Variants in TMC1 observed in about 807,000 individuals in gnomAD.
The protein encoded by TMC1 is transmembrane channel like 1.
TMC1 carries 84 observed loss-of-function variants against 105.8 expected under a neutral mutation model. The observed-to-expected ratio is 0.79, with a 90% CI of 0.67 to 0.95. The LOEUF (loss-of-function observed/expected upper bound fraction) is 0.95. Among genes scored for constraint, TMC1 ranks in the 40% least tolerant of loss-of-function variants. The pLI is 0.00. For missense variants in TMC1, 817 were observed against 914.1 expected, an observed-to-expected ratio of 0.89 and a Z score of 1.37; for synonymous variants, 315 against 311.5, an observed-to-expected ratio of 1.01 and a Z score of -0.12.
chr9:72,808,446 A>G (rs1828639704), intron 18 of TMC1, among the ~76,000 whole-genome samples: 1 of 152,172 alleles, frequency 6.6e-6, no homozygotes, highest in African/African-American at 2.4e-5. Context: ...CACTGTTTAT[A>G]TCAACACACT....
At chr9:72,707,121 C>T (rs536505027) in intron 8 of TMC1, among the ~76,000 whole-genome samples, 56 of 152,278 alleles carry the variant, frequency 3.7e-4, no homozygotes, top group African/African-American at 1.3e-3. Context: ...AGTATTCCAT[C>T]ATGTATATAT....
intron 2 of TMC1, among the ~76,000 whole-genome samples, chr9:72,585,921 G>A (rs890995740): frequency 1.3e-5 from 2 of 152,130 alleles, no homozygotes; most frequent in African/African-American, 4.8e-5. Context: ...TCCTCCGACC[G>A]TGTTGCCACC....
intron 5 of TMC1, among the ~76,000 whole-genome samples, chr9:72,662,512 C>G (rs1220935911): frequency 3.3e-5 from 5 of 151,948 alleles, no homozygotes; most frequent in Admixed American, 3.3e-4. Flanking sequence ...TTAAGTGTAT[C>G]AATACCATCA....
At chr9:72,598,859 G>A (rs138374100) in intron 2 of TMC1, among the ~76,000 whole-genome samples, 14 of 152,106 alleles carry the variant, frequency 9.2e-5, no homozygotes, top group South Asian at 6.2e-4. Flanking sequence ...TGTCAGAACC[G>A]TCTGTTTCCT....
intron 3 of TMC1, among the ~76,000 whole-genome samples, chr9:72,616,915 T>A (rs898479303): frequency 6.6e-6 from 1 of 152,132 alleles, no homozygotes; most frequent in Non-Finnish European, 1.5e-5. Flanking sequence ...TTGATTTGAA[T>A]GTTGTTTCCT....
At chr9:72,523,665 G>C (rs917421798) in intron 1 of TMC1, among the ~76,000 whole-genome samples, 1 of 152,050 alleles carries the variant, frequency 6.6e-6, no homozygotes, top group Non-Finnish European at 1.5e-5. Flanking sequence ...TGCTGTCTTA[G>C]GGGTGGCAGG....
intron 2 of TMC1, among the ~76,000 whole-genome samples, chr9:72,609,684 AATTTT>A (rs1455382964): frequency 5.9e-5 from 9 of 152,192 alleles, no homozygotes; most frequent in Non-Finnish European, 1.0e-4. Context: ...ATACATCAAT[AATTTT>A]ATTCTCATAA....
intron 13 of TMC1, among the ~76,000 whole-genome samples, chr9:72,779,747 A>G (rs1828062074): frequency 6.6e-6 from 1 of 152,220 alleles, no homozygotes; most frequent in African/African-American, 2.4e-5. Context: ...AAAGCCTCCA[A>G]GAAATACAGA....
rs11143373 is a variant in TMC1 at position 72,687,637 on chromosome 9, T to A, written c.17-1072T>A. Among the ~76,000 whole-genome samples the A allele has an allele frequency of 3.0e-3, 463 of 152,308 alleles. 6 individuals are homozygous for A. Among genetic ancestry groups the A allele is most frequent in the African/African-American group, 0.011 (449 of 41,578 alleles). On this transcript the variant is annotated intron_variant, in intron 5 of 23. Coordinates refer to ENST00000297784, the MANE Select transcript of TMC1 (RefSeq NM_138691.3). Reference sequence around the variant, plus strand: ...TGCTGTTTAAAGGCAAAAAGTGCTTTTACAATAATATTCTTTGTGAATGGA... The same window carrying A: ...TGCTGTTTAAAGGCAAAAAGTGCTTATACAATAATATTCTTTGTGAATGGA...
chr9:72,835,124 A>T (rs1025106248), intron 23 of TMC1, among the ~76,000 whole-genome samples: 7 of 151,850 alleles, frequency 4.6e-5, no homozygotes, highest in African/African-American at 1.7e-4. Context: ...TTGCAGGTTT[A>T]TGCAACCTTC....
chr9:72,556,674 T>C (rs1218992433), intron 1 of TMC1, among the ~76,000 whole-genome samples: 1 of 150,950 alleles, frequency 6.6e-6, no homozygotes, highest in Non-Finnish European at 1.5e-5. Context: ...CAAAAAAAAT[T>C]AGCCAGGTAT....
At chr9:72,612,872 A>G (rs1467151531) in intron 2 of TMC1, among the ~76,000 whole-genome samples, 2 of 152,172 alleles carry the variant, frequency 1.3e-5, no homozygotes, top group Non-Finnish European at 2.9e-5. Context: ...ACTGCAATGC[A>G]CAAGACAGCC....
intron 1 of TMC1, among the ~76,000 whole-genome samples, chr9:72,556,661 A>AT (rs763657287): frequency 2.0e-5 from 3 of 151,666 alleles, no homozygotes; most frequent in Non-Finnish European, 2.9e-5. Flanking sequence ...TCTACTGAAA[A>AT]TACAAAAAAA....
At chr9:72,577,716 C>T (rs757630787) in intron 1 of TMC1, 186 bp from the exon 2 acceptor site, 15 of 151,850 alleles carry the variant, frequency 9.9e-5, no homozygotes, top group Non-Finnish European at 2.1e-4. Context: ...TTGTGTGGAG[C>T]AGCTATAAAT....
intron 5 of TMC1, among the ~76,000 whole-genome samples, chr9:72,685,938 C>T (rs1443053438): frequency 6.6e-6 from 1 of 152,200 alleles, no homozygotes; most frequent in Non-Finnish European, 1.5e-5. Context: ...GAAGCATAAA[C>T]TACTTTCAGC....
chr9:72,693,313 C>T (rs1238251091), intron 6 of TMC1, among the ~76,000 whole-genome samples: 1 of 151,952 alleles, frequency 6.6e-6, no homozygotes, highest in Non-Finnish European at 1.5e-5. Context: ...ACTAATAAAA[C>T]AACTTGTGAG....
intron 8 of TMC1, among the ~76,000 whole-genome samples, chr9:72,739,251 G>T (rs1827349646): frequency 6.6e-6 from 1 of 152,046 alleles, no homozygotes; most frequent in Admixed American, 6.6e-5. Context: ...TACTTACAAG[G>T]GCACTAATTC....
At chr9:72,806,656 C>T (rs1261977667) in intron 18 of TMC1, among the ~76,000 whole-genome samples, 3 of 149,308 alleles carry the variant, frequency 2.0e-5, no homozygotes, top group South Asian at 2.1e-4. Context: ...TCCTCACATC[C>T]CAGATGATGG....
intron 5 of TMC1, among the ~76,000 whole-genome samples, chr9:72,683,524 T>A (rs2589621): frequency 0.4 from 60,032 of 149,218 alleles, 12,934 homozygotes; most frequent in African/African-American, 0.56. Context: ...GGTTTTTTTT[T>A]AAAAAAATCA....
Sources: gnomAD v4.1 joint callset for allele counts (sites outside exome capture counted in the v4.1 genomes callset) on GRCh38, gnomAD v4.1.1 for gene constraint, MANE v1.5 for transcripts, NCBI Gene and HGNC (gene_info 2026-07-23, HGNC 2026-07-21) for gene names.